The following ZNF346 variants were observed in gnomAD, a reference collection of about 807,000 sequenced individuals.
ZNF346 encodes the protein double-stranded RNA-binding zinc finger protein JAZ.
Under a neutral mutation model 33.7 loss-of-function variants are expected in ZNF346, and 23 were observed. That is an observed-to-expected ratio of 0.68 (90% CI 0.49 to 0.97). The LOEUF (loss-of-function observed/expected upper bound fraction) is 0.97, where lower values mean the gene tolerates loss of function less well. ZNF346 is among the 50% of genes least tolerant of loss of function. The probability of loss-of-function intolerance (pLI) is 0.00; values close to 1 mark genes in which losing one functional copy is unlikely to be tolerated. For synonymous variants in ZNF346, 134 were observed against 142.4 expected (o/e 0.94, Z 0.42); for missense variants, 340 against 371.1 (o/e 0.92, Z 0.69).
Position 177,064,756 on chromosome 5 carries a change from A to C in ZNF346, c.*157A>C. The C allele has an allele frequency of 1.6e-6, 1 of 637,600 alleles. No individual in the cohort carries two copies. Among genetic ancestry groups the C allele is most frequent in the South Asian group, 1.9e-5 (1 of 53,592 alleles). The allele number at this position is 637,600 out of a possible 1,614,324, so 39.5% of individuals were successfully genotyped here. On this transcript the variant is annotated 3_prime_UTR_variant, in exon 7 of 7. Coordinates refer to ENST00000358149, the MANE Select transcript of ZNF346 (RefSeq NM_012279.4). ...AGACAGCCTCTCATTGGTCCGGGCT[A>C]ATTCACTCCTGCTGCTCCCCTTTGG...
chr5:177,033,350 T>C (rs1276315792), intron 1 of ZNF346, among the ~76,000 whole-genome samples: 1 of 152,188 alleles, frequency 6.6e-6, no homozygotes, highest in Non-Finnish European at 1.5e-5. Flanking sequence ...GAGTGTCAGA[T>C]TACAGGCGTG....
downstream of ZNF346, among the ~76,000 whole-genome samples, chr5:177,072,481 C>T (rs529682567): frequency 2.6e-5 from 4 of 152,280 alleles, no homozygotes; most frequent in African/African-American, 4.8e-5. Context: ...GCCTGTGACC[C>T]GACTGAGTAA....
In ZNF346 at chr5:177,064,786, G is replaced by A. The variant is rs1047684627; in HGVS notation, c.*187G>A. On this transcript the variant is annotated 3_prime_UTR_variant, in exon 7 of 7. Transcript: ENST00000358149. ...ACTCCTGCTGCTCCCCTTTGGCAGG[G>A]GTCCTGTAGGTCATGACAGGGGAGG... 5.0e-6 allele frequency: 3 copies of A among 594,858 alleles called. No homozygotes were observed. The East Asian group carries it at 8.4e-5, about 17-fold the overall frequency. 36.8% of individuals were successfully genotyped at this position (594,858 alleles called of 1,614,324 possible).
chr5:177,069,162 GT>G (rs1333659293), downstream of ZNF346, among the ~76,000 whole-genome samples: 684 of 137,436 alleles, frequency 5.0e-3, 147 homozygotes, highest in African/African-American at 0.02. Context: ...CAGAAGTTCA[GT>G]TTTTTTTTTT....
In ZNF346 at chr5:177,022,785, C is replaced by A; in HGVS notation, c.47C>A (p.Ala16Glu). 1.3e-6 allele frequency: 2 copies of A among 1,548,566 alleles called. No homozygotes were observed. Among genetic ancestry groups the A allele is most frequent in the Non-Finnish European group, 8.7e-7 (1 of 1,148,966 alleles). ...PATVQAADGG[A>E]AGPYSSSELL... ...ACGGTGCAGGCCGCGGACGGCGGAG[C>A]GGCCGGGCCTTACAGCAGCTCGGAG... Residue 16 changes from alanine (A) to glutamate (E), a missense_variant, in exon 1 of 7, where the codon GCG (alanine) becomes GAG (glutamate). Coordinates refer to ENST00000358149, the MANE Select transcript of ZNF346 (RefSeq NM_012279.4).
At chr5:177,071,191 A>G (rs1022025121), downstream of ZNF346, among the ~76,000 whole-genome samples, 3 of 152,152 alleles carry the variant, frequency 2.0e-5, no homozygotes, top group African/African-American at 7.2e-5. Context: ...AAGAAATCAC[A>G]GTTCCCAGCT....
chr5:177,054,483 C>T (rs1172109619), intron 5 of ZNF346, among the ~76,000 whole-genome samples: 1 of 152,074 alleles, frequency 6.6e-6, no homozygotes, highest in Non-Finnish European at 1.5e-5. Flanking sequence ...ACTGGAACCT[C>T]CGCCTTCCAG....
chr5:177,041,799 G>A lies in ZNF346; in HGVS notation c.301G>A (p.Val101Met). The change falls in exon 3 of 7, where the codon GTG (valine) becomes ATG (methionine). Residue 101 changes from valine (V) to methionine (M), a missense_variant. Val to Met is a conservative substitution (Grantham distance 21, BLOSUM62 1). Coordinates refer to ENST00000358149, the MANE Select transcript of ZNF346 (RefSeq NM_012279.4). ...GCAGAGCAAAAAACATGCCAACAAA[G>A]TGAAGAGATACCTAGCAATCCATGG... ...HYQSKKHANK[V>M]KRYLAIHGME... 6.2e-7 allele frequency: 1 copy of A among 1,613,498 alleles called. No individual in the cohort carries two copies. The highest frequency in any genetic ancestry group is 8.5e-7 in the Non-Finnish European group (1 of 1,179,572).
At chr5:177,024,984 A>G (rs912780634) in intron 1 of ZNF346, among the ~76,000 whole-genome samples, 1 of 152,202 alleles carries the variant, frequency 6.6e-6, no homozygotes, top group Non-Finnish European at 1.5e-5. Flanking sequence ...TATATACCAT[A>G]CAAGTCACCC....
At chr5:177,047,562 G>A (rs1288376656) in intron 4 of ZNF346, among the ~76,000 whole-genome samples, 1 of 151,922 alleles carries the variant, frequency 6.6e-6, no homozygotes, top group Admixed American at 6.6e-5. Flanking sequence ...CTGGAGTGCA[G>A]TGGTGCAACC....
At chr5:177,072,477 GAC>G (rs1783553467), downstream of ZNF346, among the ~76,000 whole-genome samples, 1 of 152,148 alleles carries the variant, frequency 6.6e-6, no homozygotes, top group Admixed American at 6.5e-5. Flanking sequence ...GTGAGCCTGT[GAC>G]CCGACTGAGT....
intron 1 of ZNF346, among the ~76,000 whole-genome samples, chr5:177,037,092 T>C (rs1778614027): frequency 6.6e-6 from 1 of 152,198 alleles, no homozygotes; most frequent in South Asian, 2.1e-4. Context: ...TGGTTGGTTT[T>C]GTCAGTTTTG....
intron 5 of ZNF346, among the ~76,000 whole-genome samples, chr5:177,058,459 G>A (rs3849727): frequency 0.13 from 19,625 of 151,798 alleles, 2,958 homozygotes; most frequent in African/African-American, 0.37. Context: ...CAACAAAAGC[G>A]AAACTCCATC....
At chr5:177,079,719 AG>A (rs895018578) in exon 9 of ZNF346, 56 of 152,384 alleles carry the variant, frequency 3.7e-4, no homozygotes, top group African/African-American at 1.3e-3. Flanking sequence ...GAAGGGCACG[AG>A]TTTACTTCCC....
chr5:177,051,043 T>G (rs1201790580), intron 5 of ZNF346, 107 bp downstream of exon 5: 9 of 810,078 alleles, frequency 1.1e-5, no homozygotes, highest in Non-Finnish European at 2.0e-6. Context: ...TAAGTAGGGT[T>G]TGCGAACTCA....
At chr5:177,039,937 T>C (rs909236115) in intron 1 of ZNF346, among the ~76,000 whole-genome samples, 6 of 151,794 alleles carry the variant, frequency 4.0e-5, no homozygotes, top group Admixed American at 6.6e-5. Context: ...TCCCAGCACT[T>C]TGGAAGGCCA....
rs6865592 is a variant in ZNF346 at position 177,077,491 on chromosome 5, T to A, written c.*3-1891T>A. Among the ~76,000 whole-genome samples the A allele has an allele frequency of 0.13, 19,559 of 152,174 alleles. 2,961 individuals are homozygous for A. Among genetic ancestry groups the A allele is most frequent in the African/African-American group, 0.37 (15,161 of 41,470 alleles). ...CCCTCTTGTTTCCTTTATTGCTGTC[T>A]TTCACAGAGAAGCTCTCCCAAGCAA... On this transcript the variant is annotated intron_variant, in intron 8 of 8. Coordinates refer to the ZNF346 transcript ENST00000503039. The surrounding 1 kb of genome is among the most constrained non-coding windows in gnomAD (Gnocchi z 5.0).
At chr5:177,057,340 T>C (rs1307669183) in intron 5 of ZNF346, among the ~76,000 whole-genome samples, 3 of 152,170 alleles carry the variant, frequency 2.0e-5, no homozygotes, top group African/African-American at 7.2e-5. Context: ...TTTTTTCTCT[T>C]TTTTTGGTCC....
chr5:177,027,835 G>A (rs544219824), intron 1 of ZNF346, among the ~76,000 whole-genome samples: 1 of 151,280 alleles, frequency 6.6e-6, no homozygotes, highest in East Asian at 2.0e-4. Context: ...TAAATAGAGG[G>A]TCTTGCTCTG....
Sources: allele counts gnomAD v4.1 joint callset (sites outside exome capture counted in the v4.1 genomes callset), GRCh38; gene constraint gnomAD v4.1.1; non-coding constraint Gnocchi (gnomAD v3.1); transcripts MANE v1.5; gene names NCBI Gene and HGNC (gene_info 2026-07-23, HGNC 2026-07-21).